Variants in ARK2C observed in about 807,000 individuals in gnomAD.
ARK2C encodes E3 ubiquitin-protein ligase ARK2C.
At chr18:46,341,501 A>G in the ARK2C span, among the ~76,000 whole-genome samples, 1 of 152,172 alleles carries the variant, frequency 6.6e-6, no homozygotes, top group South Asian at 2.1e-4. Flanking sequence ...GGAACAGTCC[A>G]TTTTGGTGAG....
At chr18:46,417,183 T>C in the ARK2C span, among the ~76,000 whole-genome samples, 5 of 152,244 alleles carry the variant, frequency 3.3e-5, no homozygotes, top group Non-Finnish European at 5.9e-5. Flanking sequence ...CTTCCCCCGA[T>C]TGCCACCCTA....
At chr18:46,375,880 C>T in the ARK2C span, among the ~76,000 whole-genome samples, 1 of 152,170 alleles carries the variant, frequency 6.6e-6, no homozygotes, top group Non-Finnish European at 1.5e-5. Context: ...GGGCTAAGGG[C>T]TGGGGAAATA....
chr18:46,381,102 A>G, the ARK2C span, among the ~76,000 whole-genome samples: 1 of 152,336 alleles, frequency 6.6e-6, no homozygotes, highest in South Asian at 2.1e-4. Flanking sequence ...TAAAATAGGG[A>G]CAAGGCTATC....
At chr18:46,338,992 GCCCTCTTTGTTCTCGTGCTCTTCC>G in the ARK2C span, among the ~76,000 whole-genome samples, 6 of 152,106 alleles carry the variant, frequency 3.9e-5, no homozygotes, top group South Asian at 1.2e-3. Flanking sequence ...CTCTGCTCTG[GCCCTCTTTGTTCTCGTGCTCTTCC>G]CAGCCTGGAT....
the ARK2C span, among the ~76,000 whole-genome samples, chr18:46,447,219 T>A: frequency 6.6e-6 from 1 of 152,166 alleles, no homozygotes; most frequent in Non-Finnish European, 1.5e-5. Context: ...AACCTTGTCT[T>A]TCCATTACTC....
the ARK2C span, chr18:46,455,932 T>A: frequency 2.6e-3 from 3,411 of 1,287,924 alleles, 16 homozygotes; most frequent in South Asian, 3.2e-3. Flanking sequence ...ACCAGCTGAG[T>A]CTGCCCCAGG....
the ARK2C span, among the ~76,000 whole-genome samples, chr18:46,341,744 T>C: frequency 1.9e-3 from 292 of 152,336 alleles, 2 homozygotes; most frequent in African/African-American, 6.5e-3. Flanking sequence ...CATGTGTCTT[T>C]ACTGGCTTAG....
At chr18:46,441,155 T>C in the ARK2C span, among the ~76,000 whole-genome samples, 1 of 151,954 alleles carries the variant, frequency 6.6e-6, no homozygotes, top group South Asian at 2.1e-4. Context: ...CCAGCTAACT[T>C]TTTGTTTTTT....
chr18:46,347,105 C>T, the ARK2C span, among the ~76,000 whole-genome samples: 146 of 152,214 alleles, frequency 9.6e-4, no homozygotes, highest in Middle Eastern at 3.4e-3. Context: ...GAGGGCCTCC[C>T]GGAGGAGGCA....
chr18:46,366,207 G>A, the ARK2C span, among the ~76,000 whole-genome samples: 79 of 146,514 alleles, frequency 5.4e-4, 1 homozygote, highest in East Asian at 0.015. Flanking sequence ...CAGGAGACTC[G>A]CTTGAACCCG....
chr18:46,358,149 G>T, the ARK2C span, among the ~76,000 whole-genome samples: 1 of 152,170 alleles, frequency 6.6e-6, no homozygotes, highest in Middle Eastern at 3.2e-3. Flanking sequence ...TTTTCAGGGG[G>T]CACAACTCAA....
chr18:46,407,615 G>A, the ARK2C span, among the ~76,000 whole-genome samples: 5 of 152,040 alleles, frequency 3.3e-5, no homozygotes, highest in Admixed American at 6.5e-5. Flanking sequence ...TAATGCAGAG[G>A]GTATTTCCAG....
the ARK2C span, among the ~76,000 whole-genome samples, chr18:46,376,014 G>T: frequency 6.6e-5 from 10 of 152,234 alleles, no homozygotes; most frequent in Admixed American, 3.3e-4. Flanking sequence ...GGTGGCCTGA[G>T]GGTGAGATGA....
chr18:46,379,125 G>T, the ARK2C span, among the ~76,000 whole-genome samples: 2 of 152,194 alleles, frequency 1.3e-5, no homozygotes, highest in Non-Finnish European at 2.9e-5. Flanking sequence ...CGTTTTCCCT[G>T]CTGGGAGCCC....
At chr18:46,406,613 G>A in the ARK2C span, among the ~76,000 whole-genome samples, 1 of 152,220 alleles carries the variant, frequency 6.6e-6, no homozygotes, top group Non-Finnish European at 1.5e-5. Flanking sequence ...GGAGGCTGGG[G>A]CCCCAGGCTG....
chr18:46,434,068 C>T, the ARK2C span, among the ~76,000 whole-genome samples: 1 of 152,138 alleles, frequency 6.6e-6, no homozygotes, highest in Admixed American at 6.5e-5. Context: ...AATTAGGAAA[C>T]AAGCAGGGAG....
At chr18:46,357,068 G>A in the ARK2C span, among the ~76,000 whole-genome samples, 1 of 152,226 alleles carries the variant, frequency 6.6e-6, no homozygotes, top group African/African-American at 2.4e-5. Flanking sequence ...CTACCTTTCT[G>A]AGGTAGGAAT....
chr18:46,461,971 T>G, the ARK2C span: 10 of 152,236 alleles, frequency 6.6e-5, no homozygotes, highest in East Asian at 3.9e-4. Context: ...GGCACCCCTA[T>G]CCTATCATCA....
the ARK2C span, among the ~76,000 whole-genome samples, chr18:46,346,683 C>T: frequency 6.6e-6 from 1 of 152,166 alleles, no homozygotes; most frequent in South Asian, 2.1e-4. Flanking sequence ...AGAGTTCTCA[C>T]TCATATAAAG....
Sources: gnomAD v4.1 joint callset for allele counts (sites outside exome capture counted in the v4.1 genomes callset) on GRCh38, gnomAD v4.1.1 for gene constraint, MANE v1.5 for transcripts, NCBI Gene and HGNC (gene_info 2026-07-23, HGNC 2026-07-21) for gene names.